OTOGL: variants seen among roughly 807,000 people sequenced by gnomAD.
The protein encoded by OTOGL is otogelin-like protein.
Under a neutral mutation model 318.5 loss-of-function variants are expected in OTOGL, and 285 were observed. That is an observed-to-expected ratio of 0.89 (90% CI 0.81 to 0.99). OTOGL has a LOEUF of 0.99. OTOGL is among the 50% of genes least tolerant of loss of function. The probability of loss-of-function intolerance (pLI) is 0.00; values close to 1 mark genes in which losing one functional copy is unlikely to be tolerated. For synonymous variants in OTOGL, 987 were observed against 936.5 expected (o/e 1.05, Z -0.99); for missense variants, 2,899 against 2,845.6 (o/e 1.02, Z -0.43).
chr12:80,199,765 GC>G (rs1211737414), intron 1 of OTOGL, among the ~76,000 whole-genome samples: 1 of 152,130 alleles, frequency 6.6e-6, no homozygotes, highest in Admixed American at 6.6e-5. Flanking sequence ...TTTGTGTGCA[GC>G]TGCATGCAAT....
At chr12:80,359,869 A>G (rs1410111535) in intron 52 of OTOGL, among the ~76,000 whole-genome samples, 2 of 152,244 alleles carry the variant, frequency 1.3e-5, no homozygotes, top group Non-Finnish European at 2.9e-5. Flanking sequence ...CATATTCAGT[A>G]TACTATCTTA....
chr12:80,320,146 C>G (rs1226198703), intron 33 of OTOGL, among the ~76,000 whole-genome samples: 1 of 151,714 alleles, frequency 6.6e-6, no homozygotes, highest in Non-Finnish European at 1.5e-5. Flanking sequence ...TTCCTTTTTT[C>G]CCCCAAGGAC....
At chr12:80,377,811 A>C (rs1408527693) in intron 58 of OTOGL, 37 bp from the exon 59 acceptor site, 2 of 1,486,616 alleles carry the variant, frequency 1.3e-6, no homozygotes, top group Non-Finnish European at 1.8e-6. Flanking sequence ...TACTTTTAAA[A>C]GTTTAAGACT....
chr12:80,217,380 A>C (rs560220829), intron 4 of OTOGL, among the ~76,000 whole-genome samples: 1 of 152,320 alleles, frequency 6.6e-6, no homozygotes, highest in South Asian at 2.1e-4. Flanking sequence ...AAGTCATGTA[A>C]GAGGCAAAAC....
intron 1 of OTOGL, among the ~76,000 whole-genome samples, chr12:80,149,552 C>T (rs1248615951): frequency 6.6e-6 from 1 of 152,096 alleles, no homozygotes; most frequent in African/African-American, 2.4e-5. Context: ...AGAGGTGGAG[C>T]CTACAGAGGC....
At chr12:80,372,088 A>G in intron 57 of OTOGL, 24 bp downstream of exon 57, 2 of 1,476,460 alleles carry the variant, frequency 1.4e-6, no homozygotes, top group South Asian at 1.4e-5. Context: ...TATTCCATGC[A>G]TTTACTTGAT....
chr12:80,227,598 C>T (rs532368207), intron 7 of OTOGL, among the ~76,000 whole-genome samples: 2 of 152,140 alleles, frequency 1.3e-5, no homozygotes, highest in Non-Finnish European at 2.9e-5. Flanking sequence ...ATTAGATAAA[C>T]CCCCAAATAT....
At chr12:80,227,062 A>G (rs920052129) in intron 7 of OTOGL, among the ~76,000 whole-genome samples, 1 of 151,902 alleles carries the variant, frequency 6.6e-6, no homozygotes, top group South Asian at 2.1e-4. Context: ...TGGGCACTTG[A>G]TGGGCTTTTA....
chr12:80,287,012 G>A (rs539141273), intron 26 of OTOGL, among the ~76,000 whole-genome samples: 2 of 148,326 alleles, frequency 1.3e-5, no homozygotes, highest in South Asian at 4.1e-4. Flanking sequence ...GCCTTCTGAT[G>A]TGGGCATTTA....
At chr12:80,149,913 C>T (rs1039965658) in intron 1 of OTOGL, among the ~76,000 whole-genome samples, 2 of 152,172 alleles carry the variant, frequency 1.3e-5, no homozygotes, top group African/African-American at 4.8e-5. Context: ...TGCTTCGGCT[C>T]ATGCACGGTG....
intron 26 of OTOGL, among the ~76,000 whole-genome samples, chr12:80,289,745 C>G (rs896573861): frequency 4.6e-5 from 7 of 152,172 alleles, no homozygotes; most frequent in Non-Finnish European, 2.9e-5. Context: ...CGCCCCTCCC[C>G]CAACCAAGGT....
At chr12:80,118,854 T>A (rs1028274212) in intron 1 of OTOGL, among the ~76,000 whole-genome samples, 5 of 151,160 alleles carry the variant, frequency 3.3e-5, no homozygotes, top group Admixed American at 6.6e-5. Flanking sequence ...AAATGTTTAA[T>A]CTTAGATCTG....
chr12:80,320,680 C>A lies in OTOGL; in HGVS notation c.4061C>A (p.Ser1354Ter), dbSNP rs751958132. 3 of 1,603,924 alleles carry A rather than the reference C, an allele frequency of 1.9e-6. No homozygotes were observed. The East Asian group carries it at 6.7e-5, about 36-fold the overall frequency. Residue 1354 changes from serine (S) to a stop codon, truncating the protein, a stop_gained, in exon 34 of 59, where the codon TCA (serine) becomes TAA (stop). Coordinates refer to ENST00000547103, the MANE Select transcript of OTOGL (RefSeq NM_001378609.3). LOFTEE classifies it high-confidence loss of function. ...GATGATTCTGAAGAATTTAAACATT[C>A]AAGTAGCTTCAGCATAGAAGGTATG... ...KYDDSEEFKHSSSFSIEEIQA... is the reference protein window; with the variant it reads ...KYDDSEEFKH
chr12:80,310,799 G>A (rs1886587546), intron 30 of OTOGL, 72 bp downstream of exon 30: 3 of 1,192,746 alleles, frequency 2.5e-6, no homozygotes, highest in Admixed American at 2.1e-5. Flanking sequence ...AGGTGAACAC[G>A]ACACGTAACT....
intron 4 of OTOGL, among the ~76,000 whole-genome samples, chr12:80,217,242 C>T (rs992044680): frequency 1.3e-5 from 2 of 151,828 alleles, no homozygotes; most frequent in African/African-American, 4.8e-5. Context: ...CAACCAGGCT[C>T]CTTTCATGAG....
intron 22 of OTOGL, among the ~76,000 whole-genome samples, chr12:80,268,601 A>G (rs1883178889): frequency 6.6e-6 from 1 of 152,150 alleles, no homozygotes; most frequent in Admixed American, 6.6e-5. Context: ...ACGCAGTACT[A>G]TTATTCACAC....
chr12:80,335,282 C>T (rs1888319966), intron 38 of OTOGL, among the ~76,000 whole-genome samples: 1 of 152,004 alleles, frequency 6.6e-6, no homozygotes, highest in Non-Finnish European at 1.5e-5. Context: ...AACCCCCACA[C>T]TGTTTACTTA....
At chr12:80,323,003 A>G (rs1333416207) in intron 34 of OTOGL, among the ~76,000 whole-genome samples, 5 of 152,048 alleles carry the variant, frequency 3.3e-5, no homozygotes, top group Non-Finnish European at 7.4e-5. Flanking sequence ...TTGTTGCAGG[A>G]TAAAATAGAA....
At chr12:80,152,517 G>C (rs1378793761) in intron 1 of OTOGL, among the ~76,000 whole-genome samples, 2 of 152,060 alleles carry the variant, frequency 1.3e-5, no homozygotes, top group Non-Finnish European at 2.9e-5. Context: ...TAATAACTTG[G>C]AGGGCACTCA....
Sources: gnomAD v4.1 joint callset for allele counts (sites outside exome capture counted in the v4.1 genomes callset) on GRCh38, gnomAD v4.1.1 for gene constraint, MANE v1.5 for transcripts, NCBI Gene and HGNC (gene_info 2026-07-23, HGNC 2026-07-21) for gene names.